RFC3: variants seen among roughly 807,000 people sequenced by gnomAD.
RFC3 encodes A1 38 kDa subunit.
Under a neutral mutation model 45.1 loss-of-function variants are expected in RFC3, and 41 were observed. The observed-to-expected ratio is 0.91, with a 90% CI of 0.71 to 1.18. The LOEUF (loss-of-function observed/expected upper bound fraction) is 1.18. Ranked by LOEUF, RFC3 falls within the 50% of genes most tolerant of loss-of-function variation. The pLI is 0.00. For synonymous variants in RFC3, 149 were observed against 144.0 expected, an observed-to-expected ratio of 1.03 and a Z score of -0.25; for missense variants, 423 against 428.1, an observed-to-expected ratio of 0.99 and a Z score of 0.10.
chr13:33,881,218 T>C (rs2082481484), intron 8 of RFC3, among the ~76,000 whole-genome samples: 1 of 152,230 alleles, frequency 6.6e-6, no homozygotes, highest in Non-Finnish European at 1.5e-5. Flanking sequence ...AGATGGAATT[T>C]AATGGTCATT....
At chr13:33,906,037 G>T (rs2082670128) in intron 8 of RFC3, among the ~76,000 whole-genome samples, 1 of 152,064 alleles carries the variant, frequency 6.6e-6, no homozygotes, top group Non-Finnish European at 1.5e-5. Context: ...ATCCTTGAGG[G>T]ATTGTGGCTT....
intron 8 of RFC3, among the ~76,000 whole-genome samples, chr13:33,965,275 C>T (rs2083080525): frequency 6.6e-6 from 1 of 152,118 alleles, no homozygotes; most frequent in African/African-American, 2.4e-5. Flanking sequence ...AAAAATAATA[C>T]AGTCATGAGC....
chr13:33,833,743 A>G (rs777351019), intron 7 of RFC3, among the ~76,000 whole-genome samples: 2 of 152,128 alleles, frequency 1.3e-5, no homozygotes, highest in African/African-American at 2.4e-5. Context: ...TCATGCTTTA[A>G]TAATCAAGTT....
intron 8 of RFC3, among the ~76,000 whole-genome samples, chr13:33,864,337 C>T (rs1321615523): frequency 1.3e-5 from 2 of 152,156 alleles, no homozygotes; most frequent in Admixed American, 6.5e-5. Context: ...CCAACCATAT[C>T]ATTTAGCCAA....
At chr13:33,848,743 T>G (rs1314907011) in intron 8 of RFC3, 2 of 151,908 alleles carry the variant, frequency 1.3e-5, no homozygotes, top group Non-Finnish European at 2.9e-5. Context: ...CAGATGAGCA[T>G]AAGAGATTTA....
chr13:33,827,165 A>G (rs1412355332), intron 4 of RFC3, among the ~76,000 whole-genome samples: 1 of 152,144 alleles, frequency 6.6e-6, no homozygotes, highest in Non-Finnish European at 1.5e-5. Context: ...GGCTTATGCT[A>G]GCAATCCCAG....
At chr13:33,833,226 T>A (rs1446933000) in intron 7 of RFC3, among the ~76,000 whole-genome samples, 4 of 152,214 alleles carry the variant, frequency 2.6e-5, no homozygotes, top group Non-Finnish European at 5.9e-5. Context: ...GTGGTCTCGA[T>A]TTTTCATTTG....
At chr13:33,881,356 G>T (rs573493879) in intron 8 of RFC3, among the ~76,000 whole-genome samples, 1 of 152,114 alleles carries the variant, frequency 6.6e-6, no homozygotes, top group African/African-American at 2.4e-5. Flanking sequence ...CATCATTGGC[G>T]CTCTAAGTCC....
intron 8 of RFC3, among the ~76,000 whole-genome samples, chr13:33,927,808 G>T (rs1017730474): frequency 3.9e-5 from 6 of 152,098 alleles, no homozygotes; most frequent in Non-Finnish European, 8.8e-5. Context: ...TGGAACAAAG[G>T]CCACTGAGTG....
At chr13:33,949,415 T>A (rs1167586095) in intron 8 of RFC3, among the ~76,000 whole-genome samples, 2 of 152,212 alleles carry the variant, frequency 1.3e-5, no homozygotes, top group Non-Finnish European at 2.9e-5. Flanking sequence ...AATACACGTT[T>A]TCCAAAATCA....
chr13:33,821,343 C>T, intron 2 of RFC3, 74 bp downstream of exon 2: 6 of 1,408,174 alleles, frequency 4.3e-6, no homozygotes, highest in Admixed American at 1.8e-5. Flanking sequence ...TATGTCCCCC[C>T]AACTCAGTTG....
chr13:33,917,525 A>C (rs906614689), intron 8 of RFC3, among the ~76,000 whole-genome samples: 41 of 152,172 alleles, frequency 2.7e-4, no homozygotes, highest in African/African-American at 8.4e-4. Context: ...CAGCAGTGCC[A>C]TTTTGGTTCC....
intron 8 of RFC3, among the ~76,000 whole-genome samples, chr13:33,884,077 T>C (rs1230290457): frequency 6.6e-6 from 1 of 152,238 alleles, no homozygotes; most frequent in East Asian, 1.9e-4. Context: ...ACATCATTTA[T>C]TGAGCAACTA....
intron 8 of RFC3, among the ~76,000 whole-genome samples, chr13:33,922,739 G>A (rs2082777437): frequency 6.6e-6 from 1 of 152,118 alleles, no homozygotes; most frequent in Non-Finnish European, 1.5e-5. Context: ...TAAGTAGAGA[G>A]GCCATGGGAT....
intron 8 of RFC3, among the ~76,000 whole-genome samples, chr13:33,932,552 A>C (rs2082859386): frequency 6.6e-6 from 1 of 152,108 alleles, no homozygotes; most frequent in Non-Finnish European, 1.5e-5. Flanking sequence ...GCTTTTTATC[A>C]GCAATATGAG....
chr13:33,924,288 G>A (rs2082788158), intron 8 of RFC3, among the ~76,000 whole-genome samples: 1 of 151,898 alleles, frequency 6.6e-6, no homozygotes. Flanking sequence ...ATGGAAGGTG[G>A]CAAATTATCT....
At chr13:33,824,771 A>AT (rs2082034192) in intron 3 of RFC3, among the ~76,000 whole-genome samples, 1 of 152,150 alleles carries the variant, frequency 6.6e-6, no homozygotes, top group African/African-American at 2.4e-5. Context: ...TACCTGTATT[A>AT]TTACATTTAA....
At chr13:33,868,338 G>C (rs1566008970) in intron 8 of RFC3, among the ~76,000 whole-genome samples, 2 of 152,100 alleles carry the variant, frequency 1.3e-5, no homozygotes, top group African/African-American at 2.4e-5. Flanking sequence ...TCTGGAGGCA[G>C]GGAAACTAAG....
At chr13:33,899,590 A>T (rs1231739229) in intron 8 of RFC3, among the ~76,000 whole-genome samples, 2 of 151,918 alleles carry the variant, frequency 1.3e-5, no homozygotes, top group Non-Finnish European at 2.9e-5. Context: ...GAATGCAAAA[A>T]ATTGAAGGCT....
Sources: allele counts gnomAD v4.1 joint callset (sites outside exome capture counted in the v4.1 genomes callset), GRCh38; gene constraint gnomAD v4.1.1; transcripts MANE v1.5; gene names NCBI Gene and HGNC (gene_info 2026-07-23, HGNC 2026-07-21).